The following DISC1 variants were observed in gnomAD, a reference collection of about 807,000 sequenced individuals.
DISC1 encodes DISC1 scaffold protein, also known as disrupted in schizophrenia 1 protein.
A neutral mutation model predicts 84.5 loss-of-function variants in DISC1; 57 were observed. That is an observed-to-expected ratio of 0.67 (90% CI 0.55 to 0.84). The LOEUF is 0.84. Among genes scored for constraint, DISC1 ranks in the 40% least tolerant of loss-of-function variants. The pLI is 0.00. For missense variants in DISC1, 1,000 were observed against 1,057.8 expected (o/e 0.95, Z 0.76); for synonymous variants, 411 against 415.2 (o/e 0.99, Z 0.12).
At chr1:231,751,248 T>C (rs2074573834) in intron 4 of DISC1, among the ~76,000 whole-genome samples, 1 of 152,192 alleles carries the variant, frequency 6.6e-6, no homozygotes, top group Admixed American at 6.5e-5. Context: ...TCTTTTATCT[T>C]TGGGGTTATT....
At chr1:232,026,928 T>A (rs904906442) in intron 12 of DISC1, among the ~76,000 whole-genome samples, 1 of 152,086 alleles carries the variant, frequency 6.6e-6, no homozygotes. Context: ...TTTTTGTATT[T>A]TTAGTAGAGA....
intron 3 of DISC1, among the ~76,000 whole-genome samples, chr1:231,704,588 C>T (rs140719471): frequency 6.6e-6 from 1 of 151,808 alleles, no homozygotes. Context: ...AACCCCATCT[C>T]TACTAAAAAT....
intron 10 of DISC1, among the ~76,000 whole-genome samples, chr1:231,962,363 T>A (rs149356480): frequency 1.6e-4 from 24 of 152,300 alleles, no homozygotes; most frequent in African/African-American, 5.5e-4. Flanking sequence ...TCTTTTTCTG[T>A]GCAGAAATGG....
chr1:231,808,175 C>A (rs566543682), intron 8 of DISC1, among the ~76,000 whole-genome samples: 2 of 152,194 alleles, frequency 1.3e-5, no homozygotes, highest in African/African-American at 2.4e-5. Flanking sequence ...CAAATTCCTT[C>A]GGTCAGAATC....
intron 9 of DISC1, among the ~76,000 whole-genome samples, chr1:231,844,063 A>G (rs1314549001): frequency 6.6e-6 from 1 of 152,216 alleles, no homozygotes; most frequent in Admixed American, 6.5e-5. Flanking sequence ...AAGAAGCATG[A>G]GAGACTGTGG....
rs1658084154 is a variant in DISC1 at position 231,950,204 on chromosome 1, C to CTGTCTGTGTGTGTG, written c.1982-8621_1982-8620insCTGTGTGTGTGTGT. On this transcript the variant is annotated intron_variant, in intron 9 of 12. Coordinates refer to ENST00000439617, the MANE Select transcript of DISC1 (RefSeq NM_018662.3). ...CTATAAAAAAGAATGAAAAAAAATT[C>CTGTCTGTGTGTGTG]TGTGTGTGTGTGTGTGTGTGTGTGT... Among the ~76,000 whole-genome samples the CTGTCTGTGTGTGTG allele has an allele frequency of 2.2e-5, 3 of 139,440 alleles. No homozygotes were observed. In the Admixed American group the frequency reaches 2.2e-4, roughly 10 times the overall value. The allele number at this position is 139,440 out of a possible 152,430, so 91.5% of individuals were successfully genotyped here. A position where few individuals can be genotyped will look rare whatever the true frequency, so the allele number is the denominator to read the frequency against.
rs116669151 is a variant in DISC1 at position 231,936,490 on chromosome 1, G to A, written c.1982-22338G>A. Among the ~76,000 whole-genome samples, 459 of 152,308 alleles carry A rather than the reference G, an allele frequency of 3.0e-3. 5 individuals are homozygous for A. Among genetic ancestry groups the A allele is most frequent in the African/African-American group, 0.011 (449 of 41,562 alleles). On this transcript the variant is annotated intron_variant, in intron 9 of 12. Transcript: ENST00000439617. The stretch of plus-strand genomic sequence containing the variant: ...TGAAAAATAGTGAGACAACAGCATT[G>A]CATTCTTCATTTTGAAAGAGGTTTG...
At chr1:231,812,837 A>C (rs2080445317) in intron 8 of DISC1, among the ~76,000 whole-genome samples, 1 of 152,192 alleles carries the variant, frequency 6.6e-6, no homozygotes, top group African/African-American at 2.4e-5. Context: ...GGTCTGCATC[A>C]AGCAAGGTCT....
At chr1:232,023,592 C>T (rs775996150) in intron 11 of DISC1, among the ~76,000 whole-genome samples, 5 of 151,958 alleles carry the variant, frequency 3.3e-5, no homozygotes, top group African/African-American at 9.7e-5. Context: ...TCAATCTGCA[C>T]GTAATTTAAA....
At chr1:231,711,255 T>C (rs577870451) in intron 3 of DISC1, among the ~76,000 whole-genome samples, 42 of 152,230 alleles carry the variant, frequency 2.8e-4, no homozygotes, top group African/African-American at 9.6e-4. Flanking sequence ...TACAGCCTAG[T>C]TGGAATAAAA....
At chr1:231,705,977 CTT>C (rs886072011) in intron 3 of DISC1, among the ~76,000 whole-genome samples, 55 of 152,070 alleles carry the variant, frequency 3.6e-4, no homozygotes, top group Non-Finnish European at 1.2e-4. Flanking sequence ...ATAAAAATGA[CTT>C]TGTGTTCCAA....
In DISC1 at chr1:231,698,705, C is replaced by T. The variant is rs1405692797; in HGVS notation, c.1048-3250C>T. Among the ~76,000 whole-genome samples, 1 of 152,108 alleles carries T rather than the reference C, an allele frequency of 6.6e-6. No homozygotes were observed. The highest frequency in any genetic ancestry group is 2.4e-5 in the African/African-American group (1 of 41,414). ...GACCTTGTTTCCTGCATTTCTTCAG[C>T]TTCTGTTCTAATAAATGTTTAATGA... On this transcript the variant is annotated intron_variant, in intron 2 of 12. Coordinates refer to ENST00000439617, the MANE Select transcript of DISC1 (RefSeq NM_018662.3). This position sits in a 1 kb window ranked among gnomAD's most constrained non-coding sequence, Gnocchi z 4.9.
At chr1:231,860,415 C>A (rs1398941739) in intron 9 of DISC1, among the ~76,000 whole-genome samples, 1 of 152,056 alleles carries the variant, frequency 6.6e-6, no homozygotes, top group Non-Finnish European at 1.5e-5. Context: ...CCAAAATGCT[C>A]CTGTCAGCAT....
Position 231,958,966 on chromosome 1 carries a change from A to G in DISC1, c.2042+78A>G, listed in dbSNP as rs534573968. On this transcript the variant is annotated intron_variant, in intron 10 of 12. Transcript: ENST00000439617. Reference sequence around the variant, plus strand: ...ATTATAACAGAATTTAGTTAAATCGATGAAAAAGGCTGGCCAGTTTCTCTA... The same window carrying G: ...ATTATAACAGAATTTAGTTAAATCGGTGAAAAAGGCTGGCCAGTTTCTCTA... 2.6e-6 allele frequency: 4 copies of G among 1,519,378 alleles called. No homozygotes were observed. In the East Asian group the frequency reaches 7.2e-5, roughly 27 times the overall value. 94.1% of individuals were successfully genotyped at this position (1,519,378 alleles called of 1,614,324 possible).
intron 1 of DISC1, among the ~76,000 whole-genome samples, chr1:231,648,733 G>C (rs568484764): frequency 6.6e-6 from 1 of 152,302 alleles, no homozygotes; most frequent in Non-Finnish European, 1.5e-5. Context: ...CTCAATTTCA[G>C]ATCCTGTTAT....
At chr1:231,973,690 A>AT (rs1662371006) in intron 10 of DISC1, among the ~76,000 whole-genome samples, 1 of 152,240 alleles carries the variant, frequency 6.6e-6, no homozygotes, top group Admixed American at 6.5e-5. Context: ...TCCTAGGCCT[A>AT]TAATAGGTTT....
chr1:231,977,883 G>A (rs558251994), intron 10 of DISC1, among the ~76,000 whole-genome samples: 2 of 152,124 alleles, frequency 1.3e-5, no homozygotes, highest in South Asian at 4.1e-4. Flanking sequence ...CAGTGTTTCA[G>A]TTTTACCTAA....
At chr1:231,823,581 G>T (rs954921024) in intron 9 of DISC1, among the ~76,000 whole-genome samples, 1 of 152,186 alleles carries the variant, frequency 6.6e-6, no homozygotes, top group African/African-American at 2.4e-5. Context: ...AAGCATAGTG[G>T]AAAGTCCTCC....
chr1:231,869,636 C>G (rs996320536), intron 9 of DISC1, among the ~76,000 whole-genome samples: 9 of 151,934 alleles, frequency 5.9e-5, no homozygotes, highest in African/African-American at 2.2e-4. Context: ...GTGCCAGGCT[C>G]TCTAGGGGAA....
Sources: gnomAD v4.1 joint callset for allele counts (sites outside exome capture counted in the v4.1 genomes callset) on GRCh38, gnomAD v4.1.1 for gene constraint, Gnocchi (gnomAD v3.1) non-coding constraint, MANE v1.5 for transcripts, NCBI Gene and HGNC (gene_info 2026-07-23, HGNC 2026-07-21) for gene names.